The following SHISA5 variants were observed in gnomAD, a reference collection of about 807,000 sequenced individuals.
The protein encoded by SHISA5 is protein shisa-5.
In SHISA5, 21 loss-of-function variants were observed where a neutral mutation model predicts 27.5. The ratio of observed to expected loss-of-function variants is 0.76; its 90% CI spans 0.54 to 1.10. The LOEUF is 1.10. Ranked by LOEUF, SHISA5 falls within the 50% of genes least tolerant of loss-of-function variation. The probability of loss-of-function intolerance (pLI) is 0.00; values close to 1 mark genes in which losing one functional copy is unlikely to be tolerated. For synonymous variants in SHISA5, 137 were observed against 142.2 expected, an observed-to-expected ratio of 0.96 and a Z score of 0.26; for missense variants, 314 against 336.3, an observed-to-expected ratio of 0.93 and a Z score of 0.52.
chr3:48,497,051 G>A (rs1302063354), intron 2 of SHISA5, among the ~76,000 whole-genome samples: 1 of 151,402 alleles, frequency 6.6e-6, no homozygotes, highest in East Asian at 2.0e-4. Flanking sequence ...GTAATCTGGT[G>A]AAACCCCATC....
intron 3 of SHISA5, among the ~76,000 whole-genome samples, chr3:48,471,204 G>C (rs2040598683): frequency 6.6e-6 from 1 of 152,022 alleles, no homozygotes; most frequent in Non-Finnish European, 1.5e-5. Context: ...TGCAGAGACA[G>C]GGGTCTCACT....
intron 3 of SHISA5, among the ~76,000 whole-genome samples, chr3:48,477,871 C>T (rs767744028): frequency 3.3e-5 from 5 of 152,240 alleles, no homozygotes; most frequent in Non-Finnish European, 5.9e-5. Flanking sequence ...CTGGCTCTCT[C>T]TGGCCTCCAG....
intron 3 of SHISA5, among the ~76,000 whole-genome samples, chr3:48,475,178 C>CA (rs1400977026): frequency 3.3e-5 from 5 of 152,062 alleles, no homozygotes; most frequent in African/African-American, 1.2e-4. Context: ...TAAATTCACT[C>CA]AGAGACCCCA....
upstream of SHISA5, chr3:48,504,395 G>C: frequency 3.5e-6 from 1 of 289,482 alleles, no homozygotes; most frequent in Non-Finnish European, 6.4e-6. The surrounding 1 kb of genome is among the most constrained non-coding windows in gnomAD (Gnocchi z 4.0). Flanking sequence ...CAGGCGCCGG[G>C]CGACGCACGG....
At chr3:48,496,383 G>T (rs1198492418) in intron 2 of SHISA5, among the ~76,000 whole-genome samples, 2 of 152,154 alleles carry the variant, frequency 1.3e-5, no homozygotes, top group East Asian at 3.9e-4. Flanking sequence ...CACAAGGTCA[G>T]GAGATCGAGA....
At chr3:48,504,638 T>G (rs1469304115), upstream of SHISA5, 2 of 152,384 alleles carry the variant, frequency 1.3e-5, no homozygotes, top group Non-Finnish European at 2.9e-5. The surrounding 1 kb of genome is among the most constrained non-coding windows in gnomAD (Gnocchi z 4.0). Context: ...ACCTTGGCAC[T>G]CAGTAGACAC....
chr3:48,494,164 A>G (rs2041493837), intron 2 of SHISA5, among the ~76,000 whole-genome samples: 1 of 147,160 alleles, frequency 6.8e-6, no homozygotes, highest in East Asian at 1.9e-4. Context: ...TTCTGTTTCT[A>G]TGAGTTTGAC....
intron 2 of SHISA5, among the ~76,000 whole-genome samples, chr3:48,485,518 TATATATATATTAA>T (rs1373905858): frequency 7.2e-6 from 1 of 138,572 alleles, no homozygotes; most frequent in Non-Finnish European, 1.5e-5. Context: ...TATATATTTT[TATATATATATTAA>T]ATATATATAT....
In SHISA5 at chr3:48,468,899, C is replaced by A; in HGVS notation, c.*208G>T. The A allele has an allele frequency of 6.5e-7, 1 of 1,536,908 alleles. No individual in the cohort carries two copies. Among genetic ancestry groups the A allele is most frequent in the Non-Finnish European group, 8.7e-7 (1 of 1,147,152 alleles). ...GGTGAGGAAGAGAACAAAGTCTGGT[C>A]CCAGCCCACTCTGGCAAGGATTGTT... On this transcript the variant is annotated 3_prime_UTR_variant, in exon 6 of 6. Coordinates refer to ENST00000296444, the MANE Select transcript of SHISA5 (RefSeq NM_016479.6).
At chr3:48,477,167 T>C (rs2040855399) in intron 3 of SHISA5, 1 of 421,168 alleles carries the variant, frequency 2.4e-6, no homozygotes, top group African/African-American at 2.1e-5. Flanking sequence ...CTTTTTTTTG[T>C]TGTTGCAACC....
chr3:48,489,464 C>T (rs1025177528), intron 2 of SHISA5, among the ~76,000 whole-genome samples: 2 of 150,744 alleles, frequency 1.3e-5, no homozygotes, highest in Admixed American at 6.6e-5. Context: ...GCACTACAGG[C>T]GCCCGCCACC....
At chr3:48,483,281 G>A (rs1267319210) in intron 2 of SHISA5, among the ~76,000 whole-genome samples, 1 of 151,948 alleles carries the variant, frequency 6.6e-6, no homozygotes, top group Non-Finnish European at 1.5e-5. Context: ...TTAGGGAGTG[G>A]TGATGACTCT....
Position 48,469,572 on chromosome 3 carries a change from C to T in SHISA5, c.432G>A (p.Pro144=), listed in dbSNP as rs115077448. 1,430 of 1,603,772 alleles carry T rather than the reference C, an allele frequency of 8.9e-4. 8 individuals carry two copies. The African/African-American group carries it at 0.017, about 19-fold the overall frequency. The stretch of plus-strand genomic sequence containing the variant: ...TGGTGGATGTGGTGGTGGTGACAAC[C>T]GCTGCAAAGAGAATTCCAGTCAGGA... ...CLYKTCRRPR[P]VVTTTTSTTV... The change falls in exon 5 of 6, where the codon CCG becomes CCA. Residue 144 remains proline, a splice_region_variant and synonymous_variant. Coordinates refer to ENST00000296444, the MANE Select transcript of SHISA5 (RefSeq NM_016479.6). The surrounding 1 kb of genome is among the most constrained non-coding windows in gnomAD (Gnocchi z 4.6).
At chr3:48,489,123 C>A (rs1467665316) in intron 2 of SHISA5, among the ~76,000 whole-genome samples, 3 of 151,964 alleles carry the variant, frequency 2.0e-5, no homozygotes, top group African/African-American at 4.8e-5. Context: ...TGACCAGCGG[C>A]CCACATTCAG....
rs1281064943 is a variant in SHISA5 at position 48,470,783 on chromosome 3, C to T, written c.315-940G>A. 1.3e-5 allele frequency among the ~76,000 whole-genome samples: 2 copies of T among 152,048 alleles called. No homozygotes were observed. The highest frequency in any genetic ancestry group is 2.9e-5 in the Non-Finnish European group (2 of 68,014). ...CTCTACTAAAAATACAAAAATTAGT[C>T]GGGCACGGTGGCGGGTGCCTGTAAT... On this transcript the variant is annotated intron_variant, in intron 3 of 5. Coordinates refer to ENST00000296444, the MANE Select transcript of SHISA5 (RefSeq NM_016479.6). This position sits in a 1 kb window ranked among gnomAD's most constrained non-coding sequence, Gnocchi z 4.3.
chr3:48,477,806 A>T (rs2040873280), intron 3 of SHISA5, among the ~76,000 whole-genome samples: 1 of 152,016 alleles, frequency 6.6e-6, no homozygotes, highest in Non-Finnish European at 1.5e-5. Context: ...GCCTTGTGGG[A>T]GCTGCTGAAT....
chr3:48,479,188 G>C lies in SHISA5; in HGVS notation c.303C>G (p.Asp101Glu). The change falls in exon 3 of 6, where the codon GAC (aspartate) becomes GAG (glutamate). Residue 101 changes from aspartate (D) to glutamate (E), a missense_variant. Asp to Glu is a conservative substitution (Grantham distance 45). Transcript: ENST00000296444. ...SALRFRPGYN[D>E]PMSGFGATLA... The stretch of plus-strand genomic sequence containing the variant: ...CAGGCTTTACTTACCCTGACATGGG[G>C]TCGTTGTAGCCAGGGCGAAACCTCA... 1.2e-6 allele frequency: 2 copies of C among 1,609,592 alleles called. No individual in the cohort carries two copies. Among genetic ancestry groups the C allele is most frequent in the Non-Finnish European group, 1.7e-6 (2 of 1,178,588 alleles).
At chr3:48,479,120 T>G in intron 3 of SHISA5, 57 bp downstream of exon 3, 14 of 1,498,152 alleles carry the variant, frequency 9.3e-6, no homozygotes, top group Non-Finnish European at 1.3e-5. Flanking sequence ...CTGGCCCCCC[T>G]GAGCCCTCTT....
intron 2 of SHISA5, among the ~76,000 whole-genome samples, chr3:48,480,040 T>A (rs1304705406): frequency 3.1e-4 from 47 of 151,714 alleles, no homozygotes; most frequent in Non-Finnish European, 5.0e-4. Context: ...AGTAGCTGGG[T>A]CTACAGGCGC....
Sources: allele counts gnomAD v4.1 joint callset (sites outside exome capture counted in the v4.1 genomes callset), GRCh38; gene constraint gnomAD v4.1.1; non-coding constraint Gnocchi (gnomAD v3.1); transcripts MANE v1.5; gene names NCBI Gene and HGNC (gene_info 2026-07-23, HGNC 2026-07-21).